The following AGBL1 variants were observed in gnomAD, a reference collection of about 807,000 sequenced individuals.
AGBL1 encodes cytosolic carboxypeptidase 4.
A neutral mutation model predicts 118.9 loss-of-function variants in AGBL1; 130 were observed. That is an observed-to-expected ratio of 1.09 (90% confidence interval 0.95 to 1.26). The LOEUF is 1.26. Among genes scored for constraint, AGBL1 ranks in the 50% most tolerant of loss-of-function variants. AGBL1 has a pLI of 0.00. For missense variants in AGBL1, 1,584 were observed against 1,298.1 expected (o/e 1.22, Z -3.38); for synonymous variants, 555 against 478.9 (o/e 1.16, Z -2.08).
chr15:86,686,686 C>G (rs2086063653), intron 22 of AGBL1, among the ~76,000 whole-genome samples: 1 of 152,104 alleles, frequency 6.6e-6, no homozygotes, highest in Non-Finnish European at 1.5e-5. Flanking sequence ...ATCTGCCTGC[C>G]TTGGCCTCCC....
chr15:86,289,842 C>A (rs1215815794), intron 16 of AGBL1, among the ~76,000 whole-genome samples: 1 of 152,168 alleles, frequency 6.6e-6, no homozygotes, highest in Non-Finnish European at 1.5e-5. Flanking sequence ...CTTCAAAGTT[C>A]CTTTACTGTG....
intron 19 of AGBL1, among the ~76,000 whole-genome samples, chr15:86,529,291 T>C (rs1242323274): frequency 1.5e-5 from 2 of 133,042 alleles, no homozygotes; most frequent in African/African-American, 3.9e-5. Flanking sequence ...AAACCAAGGC[T>C]CGAGAACTAC....
At chr15:86,310,944 G>A (rs2141823064) in intron 17 of AGBL1, among the ~76,000 whole-genome samples, 1 of 152,288 alleles carries the variant, frequency 6.6e-6, no homozygotes, top group Non-Finnish European at 1.5e-5. Flanking sequence ...TGAATTAAGA[G>A]TAAAGACCTT....
At chr15:86,784,276 A>G (rs1355965546) in intron 22 of AGBL1, among the ~76,000 whole-genome samples, 1 of 152,198 alleles carries the variant, frequency 6.6e-6, no homozygotes, top group Non-Finnish European at 1.5e-5. Context: ...CACAGAGGCA[A>G]CCTACTGATG....
intron 17 of AGBL1, among the ~76,000 whole-genome samples, chr15:86,315,717 C>A (rs1166399102): frequency 2.7e-3 from 341 of 127,340 alleles, no homozygotes; most frequent in Middle Eastern, 4.2e-3. Flanking sequence ...GACTTTTTCT[C>A]AAAAAAAAAA....
At chr15:86,647,708 A>G (rs189809033) in intron 21 of AGBL1, among the ~76,000 whole-genome samples, 1 of 152,316 alleles carries the variant, frequency 6.6e-6, no homozygotes, top group Non-Finnish European at 1.5e-5. Flanking sequence ...CTCAAAATAC[A>G]AAAAGAAAAT....
intron 18 of AGBL1, among the ~76,000 whole-genome samples, chr15:86,501,922 T>C (rs987919966): frequency 2.0e-5 from 3 of 151,588 alleles, no homozygotes; most frequent in Non-Finnish European, 3.0e-5. Flanking sequence ...GTATTCCTTG[T>C]TCTTTTCATT....
chr15:86,186,085 C>A (rs1249675110), intron 5 of AGBL1, among the ~76,000 whole-genome samples: 1 of 152,124 alleles, frequency 6.6e-6, no homozygotes, highest in Non-Finnish European at 1.5e-5. Context: ...TCATTCAAAT[C>A]TTTGGGAGAA....
intron 3 of AGBL1, among the ~76,000 whole-genome samples, chr15:86,154,090 A>G (rs550408703): frequency 1.3e-5 from 2 of 152,196 alleles, no homozygotes; most frequent in African/African-American, 2.4e-5. Context: ...TTATATTAAT[A>G]TTAAGAATAT....
chr15:86,897,646 T>C (rs890287654), intron 22 of AGBL1, among the ~76,000 whole-genome samples: 2 of 151,926 alleles, frequency 1.3e-5, no homozygotes, highest in African/African-American at 4.8e-5. Flanking sequence ...GTCACTGATT[T>C]TCCCCCCAGT....
intron 21 of AGBL1, chr15:86,630,978 T>C (rs72762038): frequency 0.12 from 18,214 of 158,178 alleles, 1,211 homozygotes; most frequent in East Asian, 0.15. Context: ...GGCGTCAGCC[T>C]AGGTGAGGAC....
intron 21 of AGBL1, among the ~76,000 whole-genome samples, chr15:86,652,391 C>CT (rs1373831640): frequency 6.6e-6 from 1 of 152,094 alleles, no homozygotes; most frequent in Non-Finnish European, 1.5e-5. Flanking sequence ...AAGATAAGAG[C>CT]TAGGCTTTAA....
At chr15:86,345,380 A>G (rs2080521601) in intron 17 of AGBL1, among the ~76,000 whole-genome samples, 1 of 152,202 alleles carries the variant, frequency 6.6e-6, no homozygotes, top group Non-Finnish European at 1.5e-5. Flanking sequence ...TTAATTATGC[A>G]CCTACTATGT....
intron 18 of AGBL1, among the ~76,000 whole-genome samples, chr15:86,495,506 CA>C (rs1279115985): frequency 1.3e-5 from 2 of 150,732 alleles, no homozygotes; most frequent in African/African-American, 4.9e-5. Flanking sequence ...TATATTTCTA[CA>C]TTTTATAACT....
intron 20 of AGBL1, 27 bp from the exon 21 acceptor site, chr15:86,554,334 A>G (rs1375374423): frequency 1.3e-6 from 2 of 1,524,954 alleles, no homozygotes; most frequent in Non-Finnish European, 1.8e-6. Flanking sequence ...ACAACTAATC[A>G]TCGTTTGATT....
rs777944068 is a variant in AGBL1, at chr15:86,915,271, C to T, written c.*7977C>T. 8 of 152,172 alleles carry T rather than the reference C, an allele frequency of 5.3e-5. No homozygotes were observed. Among genetic ancestry groups the T allele is most frequent in the Admixed American group, 1.3e-4 (2 of 15,282 alleles). 9.4% of individuals were successfully genotyped at this position (152,172 alleles called of 1,614,324 possible). ...AGCCTGATAGTATTAGGAAGGAAAACCGGCTTCTACTTTCGCAGTTTATAA... is the reference window on the plus strand; with the variant it reads ...AGCCTGATAGTATTAGGAAGGAAAATCGGCTTCTACTTTCGCAGTTTATAA... On this transcript the variant is annotated 3_prime_UTR_variant, in exon 23 of 23. Transcript: ENST00000614907.
chr15:86,315,369 A>C (rs887857291), intron 17 of AGBL1, among the ~76,000 whole-genome samples: 6 of 152,162 alleles, frequency 3.9e-5, no homozygotes, highest in Admixed American at 2.0e-4. Flanking sequence ...CAGTTTCATC[A>C]TCTGTAAAAT....
chr15:86,210,840 G>T (rs965454553), intron 5 of AGBL1, among the ~76,000 whole-genome samples: 1 of 152,066 alleles, frequency 6.6e-6, no homozygotes, highest in Non-Finnish European at 1.5e-5. Context: ...GTCATTCTCC[G>T]TCCAGGTTTG....
intron 22 of AGBL1, among the ~76,000 whole-genome samples, chr15:86,846,791 C>G (rs947461433): frequency 2.0e-5 from 3 of 152,222 alleles, no homozygotes; most frequent in Non-Finnish European, 4.4e-5. Context: ...CTCGGCCTCC[C>G]AAAGTGCTGG....
Sources: allele counts gnomAD v4.1 joint callset (sites outside exome capture counted in the v4.1 genomes callset), GRCh38; gene constraint gnomAD v4.1.1; transcripts MANE v1.5; gene names NCBI Gene and HGNC (gene_info 2026-07-23, HGNC 2026-07-21).